The following CCL28 variants were observed in gnomAD, a reference collection of about 807,000 sequenced individuals.
CCL28 encodes the protein C-C motif chemokine 28.
Under a neutral mutation model 7.1 loss-of-function variants are expected in CCL28, and 4 were observed. The observed-to-expected ratio is 0.56, with a 90% CI of 0.28 to 1.29. The LOEUF (loss-of-function observed/expected upper bound fraction) is 1.29. CCL28 is among the 50% of genes most tolerant of loss of function. The probability of loss-of-function intolerance (pLI) is 0.11; values close to 1 mark genes in which losing one functional copy is unlikely to be tolerated. For missense variants in CCL28, 151 were observed against 163.4 expected, an observed-to-expected ratio of 0.92 and a Z score of 0.41; for synonymous variants, 55 against 57.8, an observed-to-expected ratio of 0.95 and a Z score of 0.22.
chr5:43,383,294 T>C (rs1400263329), intron 2 of CCL28, among the ~76,000 whole-genome samples: 2 of 152,158 alleles, frequency 1.3e-5, no homozygotes, highest in South Asian at 2.1e-4. Flanking sequence ...GCTCTACATA[T>C]ATAGTATTTC....
chr5:43,410,443 TA>T (rs1554028362), intron 1 of CCL28, among the ~76,000 whole-genome samples: 13 of 152,216 alleles, frequency 8.5e-5, no homozygotes, highest in Non-Finnish European at 8.8e-5. Flanking sequence ...CTGCCTTAGG[TA>T]AAGCATCGAG....
At chr5:43,359,700 G>A in the CCL28 span, among the ~76,000 whole-genome samples, 1 of 152,164 alleles carries the variant, frequency 6.6e-6, no homozygotes, top group African/African-American at 2.4e-5. Context: ...CAGGAGTCAT[G>A]TGGCCAGAGA....
intron 2 of CCL28, among the ~76,000 whole-genome samples, chr5:43,382,887 C>T (rs566268272): frequency 8.8e-4 from 134 of 152,030 alleles, no homozygotes; most frequent in African/African-American, 3.0e-3. Flanking sequence ...GGCATGATCT[C>T]GGCTCACTGC....
At chr5:43,404,299 C>A (rs1741172112) in intron 1 of CCL28, among the ~76,000 whole-genome samples, 1 of 152,234 alleles carries the variant, frequency 6.6e-6, no homozygotes, top group South Asian at 2.1e-4. Flanking sequence ...ATCAGACTAA[C>A]AGCTGATCCC....
the CCL28 span, among the ~76,000 whole-genome samples, chr5:43,366,953 G>T: frequency 6.6e-6 from 1 of 152,216 alleles, no homozygotes; most frequent in African/African-American, 2.4e-5. Flanking sequence ...CTGTGTTTGT[G>T]TTTATGCTTT....
the CCL28 span, among the ~76,000 whole-genome samples, chr5:43,363,017 C>G: frequency 6.6e-6 from 1 of 152,196 alleles, no homozygotes; most frequent in Non-Finnish European, 1.5e-5. Flanking sequence ...CATACACTAA[C>G]ATTTATTTTT....
chr5:43,368,188 T>C, the CCL28 span, among the ~76,000 whole-genome samples: 74,603 of 151,978 alleles, frequency 0.49, 18,822 homozygotes, highest in Middle Eastern at 0.62. Flanking sequence ...TGAGGACTAA[T>C]CATAATATTT....
downstream of CCL28, among the ~76,000 whole-genome samples, chr5:43,374,532 C>T (rs1487731832): frequency 6.6e-6 from 1 of 152,198 alleles, no homozygotes; most frequent in Non-Finnish European, 1.5e-5. Flanking sequence ...CCTGTAATCC[C>T]AGCACTTTGG....
chr5:43,372,050 C>T (rs994199170), downstream of CCL28, among the ~76,000 whole-genome samples: 3 of 152,132 alleles, frequency 2.0e-5, no homozygotes, highest in African/African-American at 4.8e-5. Context: ...TAACAACCTG[C>T]TTTCCAGATT....
At chr5:43,406,082 G>T (rs1741264464) in intron 1 of CCL28, among the ~76,000 whole-genome samples, 1 of 152,038 alleles carries the variant, frequency 6.6e-6, no homozygotes. Flanking sequence ...GAAGGAGCTG[G>T]TACCATTCCT....
the CCL28 span, among the ~76,000 whole-genome samples, chr5:43,358,434 T>A: frequency 2.0e-5 from 3 of 152,342 alleles, no homozygotes; most frequent in Middle Eastern, 3.4e-3. Flanking sequence ...CTTGCTTATG[T>A]CAGCCAAAAC....
chr5:43,374,799 AAT>A (rs1273096334), downstream of CCL28, among the ~76,000 whole-genome samples: 3 of 138,962 alleles, frequency 2.2e-5, no homozygotes, highest in Non-Finnish European at 4.8e-5. Flanking sequence ...AAAAAAAAAA[AAT>A]TCAGATCTCA....
At chr5:43,378,692 G>T (rs1739986581), downstream of CCL28, among the ~76,000 whole-genome samples, 1 of 152,204 alleles carries the variant, frequency 6.6e-6, no homozygotes, top group Non-Finnish European at 1.5e-5. Flanking sequence ...GCCGGGCGCG[G>T]TGGCTCACGC....
intron 1 of CCL28, among the ~76,000 whole-genome samples, chr5:43,401,679 C>T (rs984646735): frequency 6.6e-6 from 1 of 152,148 alleles, no homozygotes; most frequent in Admixed American, 6.5e-5. Flanking sequence ...ACAAAAAGGA[C>T]ATATGTGGGC....
the CCL28 span, among the ~76,000 whole-genome samples, chr5:43,365,600 TC>T: frequency 6.6e-6 from 1 of 152,154 alleles, no homozygotes; most frequent in Admixed American, 6.6e-5. Context: ...ATTTTTTCCT[TC>T]ATTTCAACCT....
At chr5:43,373,314 T>C (rs1483077034), downstream of CCL28, among the ~76,000 whole-genome samples, 2 of 152,028 alleles carry the variant, frequency 1.3e-5, no homozygotes, top group Non-Finnish European at 2.9e-5. Context: ...TGTGTGTGTG[T>C]GTGTGAGATG....
the CCL28 span, among the ~76,000 whole-genome samples, chr5:43,357,511 A>G: frequency 6.6e-6 from 1 of 152,186 alleles, no homozygotes; most frequent in Non-Finnish European, 1.5e-5. Context: ...GGCATTGGGG[A>G]AGTAGGCTTG....
At position 43,384,746 on chromosome 5, in the gene CCL28, T is replaced by C. The variant is rs139423821; in HGVS notation, c.192-2694A>G. ...TATACCTTTAATATCCCTTAAACTT[T>C]ATTTCTTTACCCATTCCTCTAAACA... On this transcript the variant is annotated intron_variant, in intron 2 of 2. Transcript: ENST00000361115. 3.8e-3 allele frequency among the ~76,000 whole-genome samples: 574 copies of C among 152,188 alleles called. 2 individuals are homozygous for C. Among genetic ancestry groups the C allele is most frequent in the Non-Finnish European group, 5.3e-3 (359 of 68,008 alleles).
At chr5:43,377,716 AC>A (rs1561151297), downstream of CCL28, among the ~76,000 whole-genome samples, 7 of 45,670 alleles carry the variant, frequency 1.5e-4, no homozygotes, top group East Asian at 9.6e-4. Context: ...TAGAACTTAA[AC>A]TTTTTTTTTT....
Sources: allele counts gnomAD v4.1 joint callset (sites outside exome capture counted in the v4.1 genomes callset), GRCh38; gene constraint gnomAD v4.1.1; transcripts MANE v1.5; gene names NCBI Gene and HGNC (gene_info 2026-07-23, HGNC 2026-07-21).